Variants in MICAL1 observed in about 807,000 individuals in gnomAD.
The protein encoded by MICAL1 is microtubule associated monooxygenase, calponin and LIM domain containing 1, also known as [F-actin]-monooxygenase MICAL1.
Under a neutral mutation model 131.8 loss-of-function variants are expected in MICAL1, and 95 were observed. That is an observed-to-expected ratio of 0.72 (90% CI 0.61 to 0.86). The LOEUF (loss-of-function observed/expected upper bound fraction) is 0.86. MICAL1 is among the 40% of genes least tolerant of loss of function. The pLI is 0.00. For synonymous variants in MICAL1, 546 were observed against 554.2 expected (o/e 0.99, Z 0.21); for missense variants, 1,292 against 1,380.6 (o/e 0.94, Z 1.02).
At chr6:109,449,010 C>T in intron 11 of MICAL1, 131 bp from the exon 12 acceptor site, 2 of 1,230,690 alleles carry the variant, frequency 1.6e-6, no homozygotes, top group Non-Finnish European at 2.2e-6. Flanking sequence ...AGGGCACCAG[C>T]CTAAAGCTGA....
upstream of MICAL1, among the ~76,000 whole-genome samples, chr6:109,460,293 A>C (rs796154127): frequency 3.9e-5 from 6 of 151,960 alleles, no homozygotes; most frequent in African/African-American, 1.4e-4. Flanking sequence ...TGTCTCTAAA[A>C]AAAAATCTAA....
At position 109,444,806 on chromosome 6, in the gene MICAL1, G is replaced by C. The variant is rs199700552; in HGVS notation, c.2982-8C>G. 59 of 1,614,206 alleles carry C rather than the reference G, an allele frequency of 3.7e-5. No homozygotes were observed. The South Asian group carries it at 6.0e-4, about 17-fold the overall frequency. On this transcript the variant is annotated splice_region_variant and splice_polypyrimidine_tract_variant and intron_variant, in intron 23 of 24. Transcript: ENST00000358807. ...AGATTCAATTCCTGCACCCTGTGGAGGTCAGGGATTGTAGAAGCAGAGCTG... is the reference window on the plus strand; with the variant it reads ...AGATTCAATTCCTGCACCCTGTGGACGTCAGGGATTGTAGAAGCAGAGCTG...
In MICAL1 at chr6:109,453,531, G is replaced by A. The variant is rs1775622399; in HGVS notation, c.466+107C>T. On this transcript the variant is annotated intron_variant, in intron 3 of 24. Transcript: ENST00000358807. ...CCTGAATCTTCAAGGTCACCTGGCT[G>A]ATACGGATCTTGTCCACTTCGACAT... The A allele has an allele frequency of 4.0e-6, 6 of 1,508,948 alleles. No homozygotes were observed. The East Asian group carries it at 7.4e-5, about 19-fold the overall frequency. 93.5% of individuals were successfully genotyped at this position (1,508,948 alleles called of 1,614,324 possible).
chr6:109,465,913 C>A, exon 1 of MICAL1: 1 of 1,614,144 alleles, frequency 6.2e-7, no homozygotes, highest in Non-Finnish European at 8.5e-7. Flanking sequence ...GGTGGCGGAC[C>A]AGGCTCCTGT....
rs113402966 is a variant in MICAL1, at chr6:109,454,616, G to C, written c.-43-377C>G. The C allele has an allele frequency of 2.5e-3, 619 of 252,156 alleles. 4 individuals are homozygous for C. Among genetic ancestry groups the C allele is most frequent in the African/African-American group, 0.013 (577 of 44,588 alleles). 15.6% of individuals were successfully genotyped at this position (252,156 alleles called of 1,614,324 possible). On this transcript the variant is annotated intron_variant, in intron 1 of 24. Transcript: ENST00000358807. ...GGATTTCTTAGATGTGGAGAGGACA[G>C]AGCTGCCTTTGCATGCAACACAGGG...
At position 109,444,063 on chromosome 6, in the gene MICAL1, T is replaced by C. The variant is rs1775093872; in HGVS notation, c.*128A>G. ...CACCTGTAGGCGGTGTGAACGCTGT[T>C]TGTGGCAGAAACATTTTAATTGTAA... On this transcript the variant is annotated 3_prime_UTR_variant, in exon 25 of 25. Transcript: ENST00000358807. The C allele has an allele frequency of 6.8e-7, 1 of 1,478,732 alleles. No individual in the cohort carries two copies. Among genetic ancestry groups the C allele is most frequent in the Admixed American group, 2.2e-5 (1 of 45,180 alleles). The allele number at this position is 1,478,732 out of a possible 1,614,324, so 91.6% of individuals were successfully genotyped here.
upstream of MICAL1, among the ~76,000 whole-genome samples, chr6:109,458,760 T>A (rs561131931): frequency 3.0e-4 from 45 of 152,226 alleles, no homozygotes; most frequent in Non-Finnish European, 4.4e-4. Flanking sequence ...AGAAACTGGG[T>A]CCCTAGTACT....
chr6:109,448,097 GAC>G (rs377004839), intron 13 of MICAL1, 104 bp downstream of exon 13: 17,657 of 1,007,434 alleles, frequency 0.018, 6 homozygotes, highest in Non-Finnish European at 0.02. Context: ...TCCTCTTTCT[GAC>G]ACACACACAC....
At chr6:109,464,207 G>A (rs1775978135) in intron 1 of MICAL1, 1 of 152,130 alleles carries the variant, frequency 6.6e-6, no homozygotes, top group South Asian at 2.1e-4. Context: ...TAGTTTGGTT[G>A]ATACATATAA....
chr6:109,448,987 AC>A, intron 11 of MICAL1, 108 bp from the exon 12 acceptor site: 2 of 1,424,806 alleles, frequency 1.4e-6, no homozygotes, highest in Non-Finnish European at 9.5e-7. Context: ...GGAGTCAGGG[AC>A]CCACCTCTAC....
In MICAL1 at chr6:109,447,940, C is replaced by T. The variant is rs1182995935; in HGVS notation, c.1879G>A (p.Gly627Arg). 6.8e-6 allele frequency: 11 copies of T among 1,611,840 alleles called. No homozygotes were observed. The highest frequency in any genetic ancestry group is 9.3e-6 in the Non-Finnish European group (11 of 1,178,842). Residue 627 changes from glycine to arginine, a missense_variant, in exon 14 of 25, where the codon GGG (glycine) becomes AGG (arginine). Transcript: ENST00000358807. Reference sequence around the variant, plus strand: ...AGGAATAATACAGCACTGGAGGTCCCTGGGGAGGCCTGGCTGACAGGGCCT... The same window carrying T: ...AGGAATAATACAGCACTGGAGGTCCTTGGGGAGGCCTGGCTGACAGGGCCT... ...SPGPVSQASPGTSSAVLFLSK... is the reference protein window; with the variant it reads ...SPGPVSQASPRTSSAVLFLSK...
upstream of MICAL1, among the ~76,000 whole-genome samples, chr6:109,456,850 A>T (rs537435428): frequency 1.4e-4 from 22 of 152,334 alleles, no homozygotes; most frequent in South Asian, 4.6e-3. Flanking sequence ...TGCACACAGC[A>T]AGTGGCAGAG....
Position 109,449,230 on chromosome 6 carries a change from C to T in MICAL1, c.1516+170G>A, listed in dbSNP as rs555412704. 58 of 759,468 alleles carry T rather than the reference C, an allele frequency of 7.6e-5. 1 individual carries two copies. Among genetic ancestry groups the T allele is most frequent in the South Asian group, 5.4e-4 (37 of 68,406 alleles). The allele number at this position is 759,468 out of a possible 1,614,324, so 47.0% of individuals were successfully genotyped here. ...GACTGGCAGCCAACTGCTGCCTGTGCGGTGCTGCCCCTCCGTTCCTCCAGC... is the reference window on the plus strand; with the variant it reads ...GACTGGCAGCCAACTGCTGCCTGTGTGGTGCTGCCCCTCCGTTCCTCCAGC... On this transcript the variant is annotated intron_variant, in intron 11 of 24. Coordinates refer to ENST00000358807, the MANE Select transcript of MICAL1 (RefSeq NM_022765.4).
chr6:109,460,523 T>TAGAC (rs1775859139), upstream of MICAL1, among the ~76,000 whole-genome samples: 1 of 147,678 alleles, frequency 6.8e-6, no homozygotes, highest in African/African-American at 2.5e-5. Context: ...TATATATAAA[T>TAGAC]ACACACACAC....
At chr6:109,449,112 C>T (rs578075938) in intron 11 of MICAL1, 70 of 667,714 alleles carry the variant, frequency 1.0e-4, no homozygotes, top group Non-Finnish European at 3.8e-5. Context: ...CAACTGGCCA[C>T]ATAGAGGGCA....
chr6:109,447,000 C>G, intron 17 of MICAL1, 73 bp downstream of exon 17: 3 of 1,557,118 alleles, frequency 1.9e-6, no homozygotes, highest in Non-Finnish European at 1.7e-6. Context: ...CTGTGCCTCT[C>G]TACCTCAAGC....
chr6:109,447,728 A>AT lies in MICAL1; in HGVS notation c.1945-7dup, dbSNP rs1562288548. 1.9e-6 allele frequency: 3 copies of AT among 1,614,048 alleles called. No homozygotes were observed. Among genetic ancestry groups the AT allele is most frequent in the Non-Finnish European group, 2.5e-6 (3 of 1,179,976 alleles). ...CCAGCATCCTCTGCATTTTCCTGCA[A>AT]TAAGTCCTAACAGCTCTAAGTGTGA... On this transcript the variant is annotated splice_region_variant and splice_polypyrimidine_tract_variant and intron_variant, in intron 14 of 24. Transcript: ENST00000358807.
intron 8 of MICAL1, 67 bp downstream of exon 8, chr6:109,450,233 C>A: frequency 6.4e-7 from 1 of 1,570,824 alleles, no homozygotes; most frequent in Non-Finnish European, 8.7e-7. Context: ...ACCTTTTTAT[C>A]CCCTCCTCCA....
chr6:109,448,697 A>G, intron 12 of MICAL1, 35 bp downstream of exon 12: 2 of 1,612,642 alleles, frequency 1.2e-6, no homozygotes, highest in Non-Finnish European at 1.7e-6. Flanking sequence ...CTACACTGAG[A>G]TCATGAGAGA....
Sources: allele counts gnomAD v4.1 joint callset (sites outside exome capture counted in the v4.1 genomes callset), GRCh38; gene constraint gnomAD v4.1.1; transcripts MANE v1.5; gene names NCBI Gene and HGNC (gene_info 2026-07-23, HGNC 2026-07-21).